ALOX5: variants seen among roughly 807,000 people sequenced by gnomAD.
ALOX5 encodes polyunsaturated fatty acid 5-lipoxygenase.
Under a neutral mutation model 87.9 loss-of-function variants are expected in ALOX5, and 64 were observed. The observed-to-expected ratio is 0.73, with a 90% CI of 0.60 to 0.90. The LOEUF is 0.90. Ranked by LOEUF, ALOX5 falls within the 40% of genes least tolerant of loss-of-function variation. The pLI is 0.00. For synonymous variants in ALOX5, 388 were observed against 355.1 expected, an observed-to-expected ratio of 1.09 and a Z score of -1.04; for missense variants, 822 against 907.5, an observed-to-expected ratio of 0.91 and a Z score of 1.21.
rs1839486340 is a variant in ALOX5, at chr10:45,374,224, A to G, written c.-56A>G. The G allele has an allele frequency of 7.1e-7, 1 of 1,410,962 alleles. No homozygotes were observed. Among genetic ancestry groups the G allele is most frequent in the Non-Finnish European group, 9.2e-7 (1 of 1,083,980 alleles). 87.4% of individuals were successfully genotyped at this position (1,410,962 alleles called of 1,614,324 possible). On this transcript the variant is annotated 5_prime_UTR_variant, in exon 1 of 14. Transcript: ENST00000374391. ...GAGGAGGCTGCGGCGCTAGATGCGG[A>G]CACCTGGACCGCCGCGCCGAGGCTC...
chr10:45,415,535 A>G (rs1025760302), intron 4 of ALOX5, among the ~76,000 whole-genome samples: 7 of 152,126 alleles, frequency 4.6e-5, no homozygotes, highest in Non-Finnish European at 4.4e-5. Context: ...ATATGTAACA[A>G]TCCTGCACGT....
In ALOX5 at chr10:45,443,009, C is replaced by G; in HGVS notation, c.1273-29C>G. 1.9e-6 allele frequency: 3 copies of G among 1,594,224 alleles called. No homozygotes were observed. The East Asian group carries it at 6.7e-5, about 36-fold the overall frequency. ...CTGGACAGCTGTGGGAGGAGCCACC[C>G]GCTCAGGGCACTCTACCTCCCACTC... On this transcript the variant is annotated intron_variant, in intron 9 of 13. Coordinates refer to ENST00000374391, the MANE Select transcript of ALOX5 (RefSeq NM_000698.5).
intron 3 of ALOX5, among the ~76,000 whole-genome samples, chr10:45,398,843 A>G (rs1028457132): frequency 3.3e-5 from 5 of 152,212 alleles, no homozygotes; most frequent in East Asian, 1.9e-4. Context: ...AGAAATCAGA[A>G]CCCTCATACA....
At position 45,444,124 on chromosome 10, in the gene ALOX5, G is replaced by A; in HGVS notation, c.1683G>A (p.Trp561Ter). 1 of 1,544,410 alleles carries A rather than the reference G, an allele frequency of 6.5e-7. No homozygotes were observed. The highest frequency in any genetic ancestry group is 8.8e-7 in the Non-Finnish European group (1 of 1,142,788). Residue 561 changes from tryptophan to a stop codon, truncating the protein, a stop_gained, in exon 13 of 14, where the codon TGG becomes TGA. Transcript: ENST00000374391. LOFTEE classifies it high-confidence loss of function. ...HAAVNFGQYD[W>*]CSWIPNAPPT... ...GGCGGTCGTCTCCGCAGTACGACTG[G>A]TGCTCCTGGATCCCCAATGCGCCCC...
chr10:45,444,016 G>A (rs1411551146), intron 12 of ALOX5, 100 bp from the exon 13 acceptor site: 2 of 1,450,496 alleles, frequency 1.4e-6, no homozygotes, highest in African/African-American at 2.8e-5. Flanking sequence ...GGACTGCAGG[G>A]CCCGCTGGAG....
chr10:45,389,971 TA>T (rs1840153032), intron 2 of ALOX5, among the ~76,000 whole-genome samples: 2 of 152,082 alleles, frequency 1.3e-5, no homozygotes, highest in Non-Finnish European at 2.9e-5. Flanking sequence ...GAGACACACA[TA>T]AGCTCAAAAT....
chr10:45,374,473 T>G, intron 1 of ALOX5, 44 bp downstream of exon 1: 2 of 1,465,152 alleles, frequency 1.4e-6, no homozygotes, highest in Non-Finnish European at 1.8e-6. Flanking sequence ...CTGAGGTGCG[T>G]CCGGGACCCG....
chr10:45,385,214 G>A (rs1234943929), intron 2 of ALOX5, among the ~76,000 whole-genome samples: 5 of 152,170 alleles, frequency 3.3e-5, no homozygotes, highest in African/African-American at 1.2e-4. Flanking sequence ...AATGAGGGGG[G>A]CCAGCCTACA....
intron 4 of ALOX5, among the ~76,000 whole-genome samples, chr10:45,421,528 A>T (rs934516233): frequency 1.3e-5 from 2 of 152,256 alleles, no homozygotes; most frequent in Admixed American, 1.3e-4. Flanking sequence ...CAGATGCTAC[A>T]GTGAGGTTTA....
intron 9 of ALOX5, 47 bp from the exon 10 acceptor site, chr10:45,442,991 G>A: frequency 6.3e-7 from 1 of 1,579,956 alleles, no homozygotes; most frequent in Non-Finnish European, 8.6e-7. Context: ...GGTCTGGACA[G>A]CTGTGGGAGG....
intron 9 of ALOX5, 94 bp from the exon 10 acceptor site, chr10:45,442,944 G>T (rs1189134991): frequency 1.5e-6 from 2 of 1,356,598 alleles, no homozygotes; most frequent in Non-Finnish European, 2.0e-6. Context: ...TGCCTGCCTG[G>T]CCTCCTCGCC....
chr10:45,374,275 GC>G lies in ALOX5; in HGVS notation c.-4del. 6.8e-7 allele frequency: 1 copy of G among 1,474,302 alleles called. No individual in the cohort carries two copies. Among genetic ancestry groups the G allele is most frequent in the South Asian group, 1.3e-5 (1 of 76,560 alleles). The allele number at this position is 1,474,302 out of a possible 1,614,324, so 91.3% of individuals were successfully genotyped here. On this transcript the variant is annotated 5_prime_UTR_variant, in exon 1 of 14. Coordinates refer to ENST00000374391, the MANE Select transcript of ALOX5 (RefSeq NM_000698.5). ...CCGGCGCTCGCTGCTCCCGCGGCCCGCGCCATGCCCTCCTACACGGTCACCG... is the reference window on the plus strand; with the variant it reads ...CCGGCGCTCGCTGCTCCCGCGGCCCGGCCATGCCCTCCTACACGGTCACCG...
intron 3 of ALOX5, 123 bp from the exon 4 acceptor site, chr10:45,412,068 A>C: frequency 1.4e-6 from 2 of 1,411,836 alleles, no homozygotes; most frequent in Non-Finnish European, 1.9e-6. Flanking sequence ...TGATGTGTTG[A>C]CTTTATTTTG....
chr10:45,406,353 C>G (rs760287848), intron 3 of ALOX5, among the ~76,000 whole-genome samples: 2 of 152,152 alleles, frequency 1.3e-5, no homozygotes, highest in Non-Finnish European at 2.9e-5. Context: ...ACCCCAGCAC[C>G]AGCTTTTGGT....
intron 2 of ALOX5, among the ~76,000 whole-genome samples, chr10:45,385,176 A>C (rs11239503): frequency 0.022 from 3,416 of 152,270 alleles, 124 homozygotes; most frequent in African/African-American, 0.078. Flanking sequence ...CCACATGGCA[A>C]AACAACCAAT....
At chr10:45,376,484 C>T (rs1189566843) in intron 1 of ALOX5, among the ~76,000 whole-genome samples, 7 of 152,314 alleles carry the variant, frequency 4.6e-5, no homozygotes, top group African/African-American at 1.7e-4. Context: ...CTTCCTCATT[C>T]TCCCAGCTTG....
At chr10:45,389,567 C>T (rs928229323) in intron 2 of ALOX5, among the ~76,000 whole-genome samples, 1 of 152,110 alleles carries the variant, frequency 6.6e-6, no homozygotes, top group African/African-American at 2.4e-5. Flanking sequence ...GAATTTTCAA[C>T]CCAGAATTTC....
rs565218691 is a variant in ALOX5 at position 45,416,761 on chromosome 10, A to G, written c.554+4448A>G. On this transcript the variant is annotated intron_variant, in intron 4 of 13. Coordinates refer to ENST00000374391, the MANE Select transcript of ALOX5 (RefSeq NM_000698.5). ...GGATGGAAGAAGAGGTGGATGGGGG[A>G]TGGATGGAGAGATAGATGAGAAATT... is the stretch of plus-strand genomic sequence containing the variant. 4.1e-3 allele frequency among the ~76,000 whole-genome samples: 631 copies of G among 152,064 alleles called. 6 individuals carry two copies. Among genetic ancestry groups the G allele is most frequent in the African/African-American group, 0.014 (598 of 41,444 alleles).
At chr10:45,427,478 G>A (rs951988227) in intron 6 of ALOX5, among the ~76,000 whole-genome samples, 9 of 152,246 alleles carry the variant, frequency 5.9e-5, no homozygotes, top group African/African-American at 1.9e-4. Context: ...TAAAGGAGGA[G>A]GGCGGTGGCC....
Sources: gnomAD v4.1 joint callset for allele counts (sites outside exome capture counted in the v4.1 genomes callset) on GRCh38, gnomAD v4.1.1 for gene constraint, MANE v1.5 for transcripts, NCBI Gene and HGNC (gene_info 2026-07-23, HGNC 2026-07-21) for gene names.